The following MID1 variants were observed in gnomAD, a reference collection of about 807,000 sequenced individuals.
MID1 encodes midline 1, also known as E3 ubiquitin-protein ligase Midline-1.
A neutral mutation model predicts 40.4 loss-of-function variants in MID1; 7 were observed. The observed-to-expected ratio is 0.17, with a 90% confidence interval of 0.10 to 0.33. The LOEUF is 0.33. MID1 is among the 10% of genes least tolerant of loss of function. MID1 has a pLI of 1.00. For synonymous variants in MID1, 229 were observed against 221.2 expected, an observed-to-expected ratio of 1.04 and a Z score of -0.31; for missense variants, 367 against 558.5, an observed-to-expected ratio of 0.66 and a Z score of 3.46.
chrX:10,670,311 T>C (rs1032916448), intron 1 of MID1, among the ~76,000 whole-genome samples: 1 of 112,133 alleles, frequency 8.9e-6, no homozygotes, highest in African/African-American at 3.2e-5. Flanking sequence ...GTAATATCTC[T>C]TGGTAAGAAA....
At chrX:10,796,269 G>A (rs61673057) in intron 1 of MID1, among the ~76,000 whole-genome samples, 4,084 of 111,577 alleles carry the variant, frequency 0.037, 193 homozygotes, top group African/African-American at 0.13. Flanking sequence ...CACTTGTATG[G>A]CATAGTCACA....
chrX:10,521,698 T>C (rs1318551668), intron 3 of MID1, among the ~76,000 whole-genome samples: 1 of 111,998 alleles, frequency 8.9e-6, no homozygotes, highest in Non-Finnish European at 1.9e-5. Flanking sequence ...TTGTTGCAAT[T>C]GTGGTTTATT....
chrX:10,636,579 G>A lies in MID1; in HGVS notation c.-186-16160C>T, dbSNP rs186030979. ...TGGCTGAATGTCAAAAGCTCAAGAA[G>A]TCAGAGGCCACCTTACTAGTGTTCT... On this transcript the variant is annotated intron_variant, in intron 1 of 10. Transcript: ENST00000380785. 1.2e-4 allele frequency among the ~76,000 whole-genome samples: 13 copies of A among 108,321 alleles called. No individual in the cohort carries two copies. In the East Asian group the frequency reaches 3.5e-3, roughly 29 times the overall value. The allele number at this position is 108,321 out of a possible 115,157, so 94.1% of individuals were successfully genotyped here.
At chrX:10,761,672 G>T (rs1351013356) in intron 1 of MID1, among the ~76,000 whole-genome samples, 1 of 112,310 alleles carries the variant, frequency 8.9e-6, no homozygotes, top group East Asian at 2.8e-4. Flanking sequence ...ACAAAGAGGA[G>T]GATGACAAGG....
chrX:10,504,398 A>T (rs7064475), intron 3 of MID1, among the ~76,000 whole-genome samples: 7,719 of 111,199 alleles, frequency 0.069, 562 homozygotes, highest in African/African-American at 0.21. Flanking sequence ...AATGAGTGAA[A>T]ACATGAAAAG....
At chrX:10,736,959 G>T (rs1472676250) in intron 1 of MID1, among the ~76,000 whole-genome samples, 1 of 111,510 alleles carries the variant, frequency 9.0e-6, no homozygotes, top group African/African-American at 3.3e-5. Context: ...GCACAATATA[G>T]ATTCACACAT....
intron 1 of MID1, among the ~76,000 whole-genome samples, chrX:10,728,981 T>A (rs1228729700): frequency 8.9e-6 from 1 of 112,287 alleles, no homozygotes; most frequent in Non-Finnish European, 1.9e-5. Context: ...AGTTTATTAA[T>A]GTAACCACTG....
intron 7 of MID1, 51 bp from the exon 8 acceptor site, chrX:10,459,858 G>C: frequency 4.5e-6 from 5 of 1,119,653 alleles, no homozygotes; most frequent in Non-Finnish European, 6.1e-6. Context: ...GGGGAGCAAT[G>C]TTTGCATAAT....
chrX:10,725,214 A>G (rs750546392), intron 1 of MID1, among the ~76,000 whole-genome samples: 8 of 111,888 alleles, frequency 7.2e-5, no homozygotes, highest in Non-Finnish European at 1.3e-4. Context: ...ACTTCAGAGC[A>G]CTAAAGAAGC....
intron 2 of MID1, among the ~76,000 whole-genome samples, chrX:10,528,757 T>G (rs1449763769): frequency 8.9e-6 from 1 of 112,178 alleles, no homozygotes; most frequent in African/African-American, 3.2e-5. Context: ...CCAAACTTTT[T>G]GTGTAAGTCT....
At chrX:10,750,223 A>G (rs1207570162) in intron 1 of MID1, among the ~76,000 whole-genome samples, 2 of 111,673 alleles carry the variant, frequency 1.8e-5, no homozygotes, top group Non-Finnish European at 3.8e-5. Context: ...TGGTCACAGA[A>G]GTTTTCATAC....
At chrX:10,663,089 A>G (rs918344426) in intron 1 of MID1, among the ~76,000 whole-genome samples, 1 of 111,794 alleles carries the variant, frequency 8.9e-6, no homozygotes, top group Non-Finnish European at 1.9e-5. Flanking sequence ...TCTGTATCAT[A>G]ACCCCTTTCT....
At chrX:10,672,147 C>T (rs2042990899) in intron 1 of MID1, among the ~76,000 whole-genome samples, 1 of 109,717 alleles carries the variant, frequency 9.1e-6, no homozygotes, top group African/African-American at 3.3e-5. Context: ...ATCACTTGAC[C>T]ACAGGAAGTT....
At chrX:10,565,126 G>T (rs1934479736) in intron 2 of MID1, 1 of 328,990 alleles carries the variant, frequency 3.0e-6, no homozygotes, top group South Asian at 2.6e-5. Context: ...ATTAACTTTG[G>T]TGGTACTTTT....
intron 7 of MID1, among the ~76,000 whole-genome samples, chrX:10,465,218 C>T (rs12845043): frequency 0.06 from 3,414 of 56,815 alleles, 67 homozygotes; most frequent in Non-Finnish European, 0.087. Context: ...TATATATACA[C>T]ACACACACAC....
At chrX:10,505,570 TAA>T (rs1412774293) in intron 3 of MID1, 1 of 752,495 alleles carries the variant, frequency 1.3e-6, no homozygotes, top group African/African-American at 2.3e-5. Context: ...GTCTTTTTCA[TAA>T]AGTTTCTGAA....
chrX:10,689,234 A>T (rs1430908745), intron 1 of MID1, among the ~76,000 whole-genome samples: 2 of 111,821 alleles, frequency 1.8e-5, no homozygotes, highest in African/African-American at 3.3e-5. Context: ...ATTGACTCAC[A>T]GTTCTGCATG....
chrX:10,789,150 G>A (rs1327409923), intron 1 of MID1, among the ~76,000 whole-genome samples: 1 of 110,982 alleles, frequency 9.0e-6, no homozygotes, highest in Non-Finnish European at 1.9e-5. Context: ...CCGTAATTGC[G>A]CTACTGCACC....
At chrX:10,790,101 G>C (rs924560185) in intron 1 of MID1, among the ~76,000 whole-genome samples, 1 of 110,673 alleles carries the variant, frequency 9.0e-6, no homozygotes, top group East Asian at 2.8e-4. Flanking sequence ...CTTATGTTTC[G>C]TATCATGACC....
Sources: gnomAD v4.1 joint callset for allele counts (sites outside exome capture counted in the v4.1 genomes callset) on GRCh38, gnomAD v4.1.1 for gene constraint, MANE v1.5 for transcripts, NCBI Gene and HGNC (gene_info 2026-07-23, HGNC 2026-07-21) for gene names.